The following CFAP299 variants were observed in gnomAD, a reference collection of about 807,000 sequenced individuals.
CFAP299 encodes the protein cilia and flagella associated protein 299.
CFAP299 carries 21 observed loss-of-function variants against 27.0 expected under a neutral mutation model. The observed-to-expected ratio is 0.78, with a 90% CI of 0.55 to 1.12. The LOEUF is 1.12. CFAP299 is among the 50% of genes most tolerant of loss of function. The pLI, the probability that CFAP299 is intolerant of heterozygous loss-of-function variation, is 0.00. For synonymous variants in CFAP299, 104 were observed against 98.1 expected (o/e 1.06, Z -0.36); for missense variants, 310 against 276.6 (o/e 1.12, Z -0.86).
chr4:80,509,319 G>A (rs1268378835), intron 2 of CFAP299, among the ~76,000 whole-genome samples: 1 of 152,150 alleles, frequency 6.6e-6, no homozygotes, highest in Non-Finnish European at 1.5e-5. Context: ...AAATATTTTA[G>A]AGCAAGCTTG....
intron 2 of CFAP299, among the ~76,000 whole-genome samples, chr4:80,444,130 A>G (rs888140322): frequency 1.3e-5 from 2 of 152,212 alleles, no homozygotes; most frequent in Non-Finnish European, 2.9e-5. Context: ...ATTCAATGCT[A>G]TTTCTGTCAA....
At chr4:80,362,070 C>T (rs529011740) in intron 1 of CFAP299, among the ~76,000 whole-genome samples, 17 of 150,286 alleles carry the variant, frequency 1.1e-4, no homozygotes, top group East Asian at 1.9e-4. Context: ...AAGATGTATG[C>T]GATAATTCTT....
chr4:80,877,703 C>T (rs771514562), intron 4 of CFAP299, among the ~76,000 whole-genome samples: 4 of 152,052 alleles, frequency 2.6e-5, no homozygotes, highest in South Asian at 4.1e-4. Context: ...TCAGTTTAAC[C>T]GTTTAAAGTG....
At chr4:80,443,121 G>A (rs1459426807) in intron 2 of CFAP299, among the ~76,000 whole-genome samples, 1 of 152,158 alleles carries the variant, frequency 6.6e-6, no homozygotes, top group Non-Finnish European at 1.5e-5. Context: ...AGAGGAGCTG[G>A]TACCATTCCT....
At chr4:80,534,038 A>G (rs1733604284) in intron 2 of CFAP299, among the ~76,000 whole-genome samples, 2 of 152,140 alleles carry the variant, frequency 1.3e-5, no homozygotes, top group African/African-American at 2.4e-5. Flanking sequence ...ATAGAACACC[A>G]TGATTAATTA....
intron 2 of CFAP299, among the ~76,000 whole-genome samples, chr4:80,528,671 T>C (rs776321601): frequency 2.6e-5 from 4 of 152,144 alleles, no homozygotes; most frequent in Non-Finnish European, 5.9e-5. Context: ...CAACATTGGG[T>C]GAGAAGAGAC....
rs143348298 is a variant in CFAP299 at position 80,819,897 on chromosome 4, T to C, written c.334-50096T>C. Among the ~76,000 whole-genome samples, 919 of 152,292 alleles carry C rather than the reference T, an allele frequency of 6.0e-3. 9 individuals are homozygous for C. Among genetic ancestry groups the C allele is most frequent in the Non-Finnish European group, 7.6e-3 (517 of 68,022 alleles). ...CAATTTTCATAAGATTAGTTCTAAA[T>C]GCCCAGCCAAAGTTCTTGAGAACCA... On this transcript the variant is annotated intron_variant, in intron 3 of 5. Transcript: ENST00000358105.
upstream of CFAP299, among the ~76,000 whole-genome samples, chr4:80,331,891 AG>A: frequency 6.6e-6 from 1 of 152,228 alleles, no homozygotes; most frequent in Non-Finnish European, 1.5e-5. Context: ...GTGTAGAGTC[AG>A]CAAAGGGTCT....
At chr4:80,880,842 G>A (rs1240239367) in intron 4 of CFAP299, among the ~76,000 whole-genome samples, 1 of 152,194 alleles carries the variant, frequency 6.6e-6, no homozygotes, top group Non-Finnish European at 1.5e-5. Context: ...TTAACACTGA[G>A]AAGCTTGCCT....
intron 2 of CFAP299, among the ~76,000 whole-genome samples, chr4:80,522,124 A>G (rs1341837067): frequency 6.6e-6 from 1 of 151,848 alleles, no homozygotes; most frequent in East Asian, 1.9e-4. Context: ...GTCTTCACTA[A>G]CACTTATTAC....
At chr4:80,434,340 G>C (rs528482636) in intron 2 of CFAP299, among the ~76,000 whole-genome samples, 3 of 152,176 alleles carry the variant, frequency 2.0e-5, no homozygotes, top group Non-Finnish European at 4.4e-5. Flanking sequence ...AGCAGGACCT[G>C]TTGCTATGGA....
rs1298303053 is a variant in CFAP299, at chr4:80,955,041, C to A, written c.607-8476C>A. On this transcript the variant is annotated intron_variant, in intron 5 of 5. Coordinates refer to ENST00000358105, the MANE Select transcript of CFAP299 (RefSeq NM_152770.3). ...AAAAAAAAAAAAAAAAAAACGCACA[C>A]ATGGCCATATACAGAGTAGTATAAT... Among the ~76,000 whole-genome samples, 8 of 127,300 alleles carry A rather than the reference C, an allele frequency of 6.3e-5. 3 individuals carry two copies. Among genetic ancestry groups the A allele is most frequent in the East Asian group, 4.8e-4 (2 of 4,184 alleles). 83.5% of individuals were successfully genotyped at this position (127,300 alleles called of 152,430 possible).
intron 2 of CFAP299, among the ~76,000 whole-genome samples, chr4:80,483,373 A>G (rs76196151): frequency 7.8e-4 from 117 of 150,726 alleles, no homozygotes; most frequent in African/African-American, 2.8e-3. Flanking sequence ...ATAACACCAG[A>G]TGTAATTTTA....
At chr4:80,911,613 C>T (rs1200031501) in intron 4 of CFAP299, among the ~76,000 whole-genome samples, 1 of 152,046 alleles carries the variant, frequency 6.6e-6, no homozygotes, top group African/African-American at 2.4e-5. Flanking sequence ...AAGAAAAAAT[C>T]TGGCTGGAAT....
intron 3 of CFAP299, among the ~76,000 whole-genome samples, chr4:80,680,394 A>G (rs1719763768): frequency 6.6e-6 from 1 of 152,106 alleles, no homozygotes; most frequent in Admixed American, 6.6e-5. Flanking sequence ...ATCTTCTCCA[A>G]GGTTTTTTTA....
At chr4:80,530,610 G>GT (rs1011150274) in intron 2 of CFAP299, among the ~76,000 whole-genome samples, 4 of 152,154 alleles carry the variant, frequency 2.6e-5, no homozygotes, top group African/African-American at 9.7e-5. Context: ...TTTTGTGGAG[G>GT]TTACTCTGTA....
In CFAP299 at chr4:80,453,847, T is replaced by TAAG. The variant is rs201457336; in HGVS notation, c.242+90965_242+90966insGAA. On this transcript the variant is annotated intron_variant, in intron 2 of 5. Transcript: ENST00000358105. ...CAGAATGAGACCCTGTCTCAAATAA[T>TAAG]AATAATAATAATAATAATAATAATA... is the stretch of plus-strand genomic sequence containing the variant. Among the ~76,000 whole-genome samples the TAAG allele has an allele frequency of 5.4e-4, 52 of 97,010 alleles. No homozygotes were observed. The East Asian group carries it at 0.011, about 21-fold the overall frequency. The allele number at this position is 97,010 out of a possible 152,430, so 63.6% of individuals were successfully genotyped here.
intron 1 of CFAP299, among the ~76,000 whole-genome samples, chr4:80,339,038 C>G (rs996467679): frequency 1.3e-5 from 2 of 152,152 alleles, no homozygotes; most frequent in Non-Finnish European, 2.9e-5. Context: ...GTGCAGGGGG[C>G]TGGAAGGAAG....
intron 2 of CFAP299, among the ~76,000 whole-genome samples, chr4:80,511,546 A>G (rs1379654867): frequency 6.6e-6 from 1 of 152,202 alleles, no homozygotes; most frequent in African/African-American, 2.4e-5. Context: ...ACTTAAATGA[A>G]TATGACTGAC....
Sources: allele counts gnomAD v4.1 joint callset (sites outside exome capture counted in the v4.1 genomes callset), GRCh38; gene constraint gnomAD v4.1.1; transcripts MANE v1.5; gene names NCBI Gene and HGNC (gene_info 2026-07-23, HGNC 2026-07-21).